Variants in CPSF3 observed in about 807,000 individuals in gnomAD.
The protein encoded by CPSF3 is cleavage and polyadenylation specificity factor subunit 3.
A neutral mutation model predicts 84.1 loss-of-function variants in CPSF3; 57 were observed. The ratio of observed to expected loss-of-function variants is 0.68; its 90% confidence interval spans 0.55 to 0.85. The LOEUF (loss-of-function observed/expected upper bound fraction) is 0.85, where lower values mean the gene tolerates loss of function less well. Ranked by LOEUF, CPSF3 falls within the 40% of genes least tolerant of loss-of-function variation. The pLI is 0.00. For missense variants in CPSF3, 522 were observed against 838.8 expected (o/e 0.62, Z 4.66); for synonymous variants, 275 against 278.1 (o/e 0.99, Z 0.11).
chr2:9,456,208 A>C (rs1457612935), intron 13 of CPSF3, among the ~76,000 whole-genome samples: 1 of 152,092 alleles, frequency 6.6e-6, no homozygotes, highest in Non-Finnish European at 1.5e-5. Flanking sequence ...GCCAAAGGCC[A>C]GTGAGAAAAT....
At chr2:9,446,298 A>G (rs2124832045) in intron 10 of CPSF3, among the ~76,000 whole-genome samples, 1 of 152,324 alleles carries the variant, frequency 6.6e-6, no homozygotes. Flanking sequence ...TATAAAAATT[A>G]GGCAGGGCAC....
In CPSF3 at chr2:9,458,133, G is replaced by A. The variant is rs529979298; in HGVS notation, c.1698+1106G>A. On this transcript the variant is annotated intron_variant, in intron 14 of 17. Coordinates refer to ENST00000238112, the MANE Select transcript of CPSF3 (RefSeq NM_016207.4). ...TAAAGAAAGTGTCAGGCCAGGCCCA[G>A]TGGCTCACAGCTGTAATCCCAGCAC... 3.3e-5 allele frequency among the ~76,000 whole-genome samples: 5 copies of A among 152,340 alleles called. No individual in the cohort carries two copies. The East Asian group carries it at 9.6e-4, about 29-fold the overall frequency.
At position 9,432,499 on chromosome 2, in the gene CPSF3, T is replaced by C; in HGVS notation, c.342-12T>C. The stretch of plus-strand genomic sequence containing the variant: ...CTCTTAATTGTTTTTGCTGGCATCT[T>C]TCAAAATTTAGTAACATATCAGCAG... On this transcript the variant is annotated splice_polypyrimidine_tract_variant and intron_variant, in intron 4 of 17. Coordinates refer to ENST00000238112, the MANE Select transcript of CPSF3 (RefSeq NM_016207.4). 2 of 1,445,040 alleles carry C rather than the reference T, an allele frequency of 1.4e-6. No homozygotes were observed. Among genetic ancestry groups the C allele is most frequent in the Non-Finnish European group, 1.9e-6 (2 of 1,080,546 alleles). The allele number at this position is 1,445,040 out of a possible 1,614,324, so 89.5% of individuals were successfully genotyped here.
chr2:9,447,525 C>T (rs912034558), intron 10 of CPSF3, among the ~76,000 whole-genome samples: 1 of 152,130 alleles, frequency 6.6e-6, no homozygotes, highest in Non-Finnish European at 1.5e-5. Flanking sequence ...GTGGCTCAAG[C>T]CTGTAATCCC....
intron 1 of CPSF3, among the ~76,000 whole-genome samples, chr2:9,427,588 A>G (rs1680436341): frequency 6.6e-6 from 1 of 152,324 alleles, no homozygotes; most frequent in East Asian, 1.9e-4. Context: ...TCTCATCCAC[A>G]GTTGTTTGAT....
chr2:9,435,133 C>G (rs1297243915), intron 6 of CPSF3, among the ~76,000 whole-genome samples: 1 of 152,178 alleles, frequency 6.6e-6, no homozygotes, highest in Admixed American at 6.5e-5. Flanking sequence ...GATACAAATT[C>G]TGATTCAGTA....
intron 15 of CPSF3, among the ~76,000 whole-genome samples, chr2:9,461,855 G>A (rs1054039199): frequency 2.0e-5 from 3 of 150,612 alleles, no homozygotes; most frequent in Admixed American, 6.6e-5. Context: ...TCTGCCTCCC[G>A]GGTTCAAGCG....
chr2:9,454,205 C>T (rs1367615645), intron 12 of CPSF3, among the ~76,000 whole-genome samples: 1 of 151,906 alleles, frequency 6.6e-6, no homozygotes, highest in Non-Finnish European at 1.5e-5. Context: ...GTCAGGAGTT[C>T]GAGACCATCC....
chr2:9,427,289 G>C (rs958719885), intron 1 of CPSF3, among the ~76,000 whole-genome samples: 1 of 152,202 alleles, frequency 6.6e-6, no homozygotes. Context: ...TTGGTACCCT[G>C]TTGGTACATG....
intron 15 of CPSF3, among the ~76,000 whole-genome samples, chr2:9,466,297 CAT>C (rs1411736253): frequency 8.1e-6 from 1 of 122,896 alleles, no homozygotes; most frequent in Non-Finnish European, 2.0e-5. Context: ...CACACAGACG[CAT>C]GCACACGCAC....
chr2:9,466,327 GACGCACGCACACACGCGCGCGCGCGCA>G (rs1681949796), intron 15 of CPSF3, among the ~76,000 whole-genome samples: 1 of 115,240 alleles, frequency 8.7e-6, no homozygotes. Flanking sequence ...CACGCACACA[GACGCACGCACACACGCGCGCGCGCGCA>G]CACACACACG....
chr2:9,456,894 G>A, intron 13 of CPSF3, 39 bp from the exon 14 acceptor site: 1 of 1,234,000 alleles, frequency 8.1e-7, no homozygotes, highest in Non-Finnish European at 1.2e-6. Flanking sequence ...AAGATTATCA[G>A]AAAAGTATAT....
chr2:9,453,775 C>T (rs1052139924), intron 12 of CPSF3, among the ~76,000 whole-genome samples: 1 of 152,132 alleles, frequency 6.6e-6, no homozygotes, highest in Admixed American at 6.5e-5. Flanking sequence ...CCTGTGGTCC[C>T]AGCTACTCAG....
At chr2:9,456,513 TAGAA>T (rs1681533822) in intron 13 of CPSF3, among the ~76,000 whole-genome samples, 2 of 152,228 alleles carry the variant, frequency 1.3e-5, no homozygotes, top group Non-Finnish European at 2.9e-5. Context: ...AAGAGGATGC[TAGAA>T]AGACCAGAAA....
At position 9,457,014 on chromosome 2, in the gene CPSF3, T is replaced by C. The variant is rs760324114; in HGVS notation, c.1685T>C (p.Met562Thr). ...ATTACTGTAATACAAGAACCAGGCA[T>C]GGTGGTATTAGAAGTAAGAAAAGAT... is the stretch of plus-strand genomic sequence containing the variant. ...KNITVIQEPGMVVLEWLANPS... is the reference protein window; with the variant it reads ...KNITVIQEPGTVVLEWLANPS... Residue 562 changes from methionine to threonine, a missense_variant, in exon 14 of 18, where the codon ATG (methionine) becomes ACG (threonine). Physicochemically the swap from Met to Thr is moderately conservative, Grantham distance 81. Around this residue, in one of 2 missense-constraint regions of CPSF3, gnomAD observed 193 missense variants for 231.6 expected, o/e 0.83. Transcript: ENST00000238112. The C allele has an allele frequency of 1.3e-6, 2 of 1,590,336 alleles. No homozygotes were observed. The highest frequency in any genetic ancestry group is 1.1e-5 in the South Asian group (1 of 87,414).
intron 9 of CPSF3, among the ~76,000 whole-genome samples, chr2:9,442,853 C>CAAA (rs1217742306): frequency 2.0e-5 from 2 of 101,476 alleles, no homozygotes; most frequent in African/African-American, 7.8e-5. Flanking sequence ...ACTCCATCTC[C>CAAA]AAAAAAAAAA....
intron 16 of CPSF3, among the ~76,000 whole-genome samples, chr2:9,470,190 C>G (rs544797944): frequency 6.6e-6 from 1 of 152,178 alleles, no homozygotes; most frequent in Non-Finnish European, 1.5e-5. Context: ...ACACTGCACT[C>G]CAGCCTGGGC....
Position 9,448,195 on chromosome 2 carries a change from T to G in CPSF3, c.1243-3T>G. 1 of 1,571,400 alleles carries G rather than the reference T, an allele frequency of 6.4e-7. No individual in the cohort carries two copies. Among genetic ancestry groups the G allele is most frequent in the Non-Finnish European group, 8.7e-7 (1 of 1,148,956 alleles). ...ATATTCTTTTAACATTTATTCTATG[T>G]AGATTTTAGTCCATGGAGAACAGAA... On this transcript the variant is annotated splice_region_variant and splice_polypyrimidine_tract_variant and intron_variant, in intron 10 of 17. Transcript: ENST00000238112.
chr2:9,437,439 A>C (rs945977183), intron 7 of CPSF3, among the ~76,000 whole-genome samples: 15 of 152,006 alleles, frequency 9.9e-5, no homozygotes, highest in African/African-American at 3.6e-4. Flanking sequence ...AAAAAACTAT[A>C]TGTACTCTGA....
Sources: allele counts gnomAD v4.1 joint callset (sites outside exome capture counted in the v4.1 genomes callset), GRCh38; gene constraint gnomAD v4.1.1; regional missense constraint gnomAD v4.1.1; transcripts MANE v1.5; gene names NCBI Gene and HGNC (gene_info 2026-07-23, HGNC 2026-07-21).